ELL2: variants seen among roughly 807,000 people sequenced by gnomAD.
The protein encoded by ELL2 is elongation factor for RNA polymerase II 2.
In ELL2, 21 loss-of-function variants were observed where a neutral mutation model predicts 72.8. The ratio of observed to expected loss-of-function variants is 0.29; its 90% CI spans 0.20 to 0.42. The LOEUF (loss-of-function observed/expected upper bound fraction) is 0.42. Among genes scored for constraint, ELL2 ranks in the 10% least tolerant of loss-of-function variants. ELL2 has a pLI of 1.00. For missense variants in ELL2, 568 were observed against 772.8 expected (o/e 0.73, Z 3.14); for synonymous variants, 266 against 283.2 (o/e 0.94, Z 0.61).
intron 1 of ELL2, among the ~76,000 whole-genome samples, chr5:95,950,935 TATATATATATATATATATAA>T (rs1364812667): frequency 2.1e-4 from 26 of 121,626 alleles, no homozygotes; most frequent in African/African-American, 7.9e-4. Flanking sequence ...TATATATATA[TATATATATATATATATATAA>T]AATCTTCATA....
chr5:95,902,631 T>G (rs1749184736), intron 5 of ELL2, among the ~76,000 whole-genome samples: 1 of 152,262 alleles, frequency 6.6e-6, no homozygotes, highest in Admixed American at 6.5e-5. Flanking sequence ...AACACTATTC[T>G]AACAGTAATG....
chr5:95,903,460 A>T (rs1481009133), intron 5 of ELL2, among the ~76,000 whole-genome samples: 5 of 151,184 alleles, frequency 3.3e-5, no homozygotes. Flanking sequence ...CGAATTCCTG[A>T]CCTCGTGATC....
intron 2 of ELL2, among the ~76,000 whole-genome samples, chr5:95,933,300 C>A (rs912824955): frequency 1.3e-5 from 2 of 151,926 alleles, no homozygotes; most frequent in South Asian, 2.1e-4. Context: ...AGGAATCTAT[C>A]CTGAGGAAAT....
intron 2 of ELL2, among the ~76,000 whole-genome samples, chr5:95,928,939 C>T (rs1418826799): frequency 2.0e-5 from 3 of 152,156 alleles, no homozygotes; most frequent in Non-Finnish European, 4.4e-5. Flanking sequence ...AACTGGGCCT[C>T]ATCTCCACAT....
In ELL2 at chr5:95,896,279, A is replaced by T. The variant is rs544095130; in HGVS notation, c.1526-588T>A. ...CTCTAGCACTCATAACACTAAACAG[A>T]TTTTTTTTTTTTTAAGGACAAAAGA... On this transcript the variant is annotated intron_variant, in intron 8 of 11. Coordinates refer to ENST00000237853, the MANE Select transcript of ELL2 (RefSeq NM_012081.6). Among the ~76,000 whole-genome samples, 51 of 149,038 alleles carry T rather than the reference A, an allele frequency of 3.4e-4. 1 individual carries two copies. The highest frequency in any genetic ancestry group is 1.1e-3 in the Admixed American group (16 of 14,928).
chr5:95,928,783 C>T (rs1341917188), intron 2 of ELL2, among the ~76,000 whole-genome samples: 2 of 152,170 alleles, frequency 1.3e-5, no homozygotes, highest in African/African-American at 4.8e-5. Flanking sequence ...TTATCAACAA[C>T]TATTCTTACA....
chr5:95,956,654 C>T (rs932098173), intron 1 of ELL2, among the ~76,000 whole-genome samples: 1 of 152,056 alleles, frequency 6.6e-6, no homozygotes, highest in African/African-American at 2.4e-5. Context: ...TTTTCTGTGT[C>T]TTAAACTATA....
rs183634978 is a variant in ELL2 at position 95,914,885 on chromosome 5, T to C, written c.318-951A>G. ...AACAAAACACTTTTTATTGAAATAA[T>C]CATGAATATTAACATGGACCTAGAA... is the stretch of plus-strand genomic sequence containing the variant. On this transcript the variant is annotated intron_variant, in intron 3 of 11. Transcript: ENST00000237853. Among the ~76,000 whole-genome samples the C allele has an allele frequency of 2.0e-3, 306 of 152,232 alleles. 1 individual carries two copies. The highest frequency in any genetic ancestry group is 6.9e-3 in the African/African-American group (287 of 41,536).
chr5:95,942,711 A>T (rs1751013470), intron 2 of ELL2, among the ~76,000 whole-genome samples: 1 of 152,242 alleles, frequency 6.6e-6, no homozygotes, highest in African/African-American at 2.4e-5. Flanking sequence ...ATACTCACAT[A>T]ATACCTTGAT....
At chr5:95,952,259 C>T (rs376460149) in intron 1 of ELL2, among the ~76,000 whole-genome samples, 20 of 152,100 alleles carry the variant, frequency 1.3e-4, no homozygotes, top group Admixed American at 4.6e-4. Context: ...ACATTGAGTA[C>T]GCATGGACAT....
chr5:95,925,533 T>C (rs1215421897), intron 2 of ELL2, among the ~76,000 whole-genome samples: 3 of 152,334 alleles, frequency 2.0e-5, no homozygotes, highest in East Asian at 1.9e-4. Context: ...TCCCTGAATA[T>C]ATTGTCAGCA....
chr5:95,898,909 C>G, intron 7 of ELL2, 99 bp from the exon 8 acceptor site: 2 of 841,454 alleles, frequency 2.4e-6, no homozygotes, highest in Non-Finnish European at 3.5e-6. Flanking sequence ...ACCTTACTTA[C>G]TATTAATATT....
At chr5:95,936,324 A>T (rs1433455258) in intron 2 of ELL2, among the ~76,000 whole-genome samples, 1 of 152,214 alleles carries the variant, frequency 6.6e-6, no homozygotes, top group Non-Finnish European at 1.5e-5. Context: ...ATACGTACCT[A>T]TATATATGTA....
At chr5:95,917,848 A>G (rs1167478236) in intron 3 of ELL2, among the ~76,000 whole-genome samples, 1 of 152,238 alleles carries the variant, frequency 6.6e-6, no homozygotes, top group African/African-American at 2.4e-5. Context: ...GCTTTTGAAG[A>G]GAGGATTAAG....
chr5:95,955,181 C>CT (rs1462411619), intron 1 of ELL2, among the ~76,000 whole-genome samples: 1 of 152,034 alleles, frequency 6.6e-6, no homozygotes, highest in East Asian at 1.9e-4. Flanking sequence ...TGCTAAAATC[C>CT]TTTAAGACCC....
At chr5:95,944,716 A>C (rs1297987674) in intron 1 of ELL2, among the ~76,000 whole-genome samples, 1 of 152,190 alleles carries the variant, frequency 6.6e-6, no homozygotes, top group African/African-American at 2.4e-5. Flanking sequence ...TCCAGCTTTC[A>C]CAATATTTCC....
At chr5:95,961,442 CTGCCT>C (rs1751848637) in intron 1 of ELL2, 128 bp downstream of exon 1, 4 of 1,177,782 alleles carry the variant, frequency 3.4e-6, no homozygotes, top group Non-Finnish European at 4.4e-6. Flanking sequence ...CGGCCCTGCC[CTGCCT>C]GGCCGCTGCG....
chr5:95,885,726 CTATAAAGCT>C lies in ELL2; in HGVS notation c.*3136_*3144del, dbSNP rs1249645555. ...CACTTTATAAGAGAAAAGAAAACTC[CTATAAAGCT>C]TATAAGATCAGAAAAAATTAATACT... On this transcript the variant is annotated 3_prime_UTR_variant, in exon 12 of 12. Transcript: ENST00000237853. 3.3e-5 allele frequency: 5 copies of C among 152,150 alleles called. No individual in the cohort carries two copies. The highest frequency in any genetic ancestry group is 1.2e-4 in the African/African-American group (5 of 41,432). The allele number at this position is 152,150 out of a possible 1,614,324, so 9.4% of individuals were successfully genotyped here.
intron 9 of ELL2, among the ~76,000 whole-genome samples, chr5:95,891,917 T>C (rs554108223): frequency 6.6e-6 from 1 of 152,320 alleles, no homozygotes; most frequent in African/African-American, 2.4e-5. Flanking sequence ...AAAAAAGGCA[T>C]ATTTCTCTAG....
Sources: allele counts gnomAD v4.1 joint callset (sites outside exome capture counted in the v4.1 genomes callset), GRCh38; gene constraint gnomAD v4.1.1; transcripts MANE v1.5; gene names NCBI Gene and HGNC (gene_info 2026-07-23, HGNC 2026-07-21).